Variants in ENDOU observed in about 807,000 individuals in gnomAD.
ENDOU encodes the protein uridylate-specific endoribonuclease.
ENDOU carries 49 observed loss-of-function variants against 54.2 expected under a neutral mutation model. The ratio of observed to expected loss-of-function variants is 0.90; its 90% CI spans 0.72 to 1.15. ENDOU has a LOEUF of 1.15. Ranked by LOEUF, ENDOU falls within the 50% of genes most tolerant of loss-of-function variation. The pLI is 0.00. For missense variants in ENDOU, 458 were observed against 511.4 expected, an observed-to-expected ratio of 0.90 and a Z score of 1.01; for synonymous variants, 172 against 190.5, an observed-to-expected ratio of 0.90 and a Z score of 0.80.
chr12:47,711,256 G>A (rs994914734), intron 9 of ENDOU, among the ~76,000 whole-genome samples: 1 of 152,220 alleles, frequency 6.6e-6, no homozygotes, highest in Non-Finnish European at 1.5e-5. Flanking sequence ...GTGTCCGAAT[G>A]TTAGAGAACT....
intron 1 of ENDOU, 76 bp from the exon 2 acceptor site, chr12:47,720,951 C>A: frequency 7.0e-7 from 1 of 1,434,296 alleles, no homozygotes; most frequent in South Asian, 1.3e-5. Context: ...CAGGAGGGTT[C>A]ACAGACCAGG....
In ENDOU at chr12:47,725,414, G is replaced by A. The variant is rs980548708; in HGVS notation, c.-1C>T. On this transcript the variant is annotated 5_prime_UTR_variant, in exon 1 of 10. Coordinates refer to ENST00000422538, the MANE Select transcript of ENDOU (RefSeq NM_001172439.2). The stretch of plus-strand genomic sequence containing the variant: ...ATACCAGGGAGATGCAGGCCCTCAT[G>A]GTGCCCAGTTGGAGGCCAAAAAGGG... 1.9e-6 allele frequency: 3 copies of A among 1,614,124 alleles called. No individual in the cohort carries two copies. Among genetic ancestry groups the A allele is most frequent in the Non-Finnish European group, 2.5e-6 (3 of 1,180,002 alleles).
intron 7 of ENDOU, 99 bp downstream of exon 7, chr12:47,713,175 TG>T: frequency 1.2e-6 from 1 of 820,782 alleles, no homozygotes; most frequent in Non-Finnish European, 2.1e-6. Context: ...ACTAGCTGGC[TG>T]GACTGCTGAT....
intron 2 of ENDOU, chr12:47,719,965 T>C (rs959094353): frequency 2.6e-5 from 4 of 152,226 alleles, no homozygotes; most frequent in Admixed American, 2.6e-4. Context: ...TTGGTCCAGC[T>C]TGCTGCTTAA....
At chr12:47,712,938 T>C (rs557840479) in intron 7 of ENDOU, among the ~76,000 whole-genome samples, 71 of 152,232 alleles carry the variant, frequency 4.7e-4, no homozygotes, top group African/African-American at 1.5e-3. Flanking sequence ...ACCATGGCCC[T>C]CTTGGGAAGC....
chr12:47,718,289 G>A, intron 2 of ENDOU, 95 bp from the exon 3 acceptor site: 3 of 1,157,750 alleles, frequency 2.6e-6, no homozygotes, highest in South Asian at 1.3e-5. Context: ...CAGGGGACAA[G>A]CAAGGGCACT....
At chr12:47,722,588 G>T (rs1940468884) in intron 1 of ENDOU, among the ~76,000 whole-genome samples, 1 of 152,214 alleles carries the variant, frequency 6.6e-6, no homozygotes, top group African/African-American at 2.4e-5. Flanking sequence ...CAAGTGACAA[G>T]TGTTCAGACT....
chr12:47,713,205 G>T, intron 7 of ENDOU, 70 bp downstream of exon 7: 8 of 1,081,224 alleles, frequency 7.4e-6, no homozygotes, highest in South Asian at 6.3e-5. Context: ...ACCCAGGGCT[G>T]CCCTGCTCCT....
At position 47,712,507 on chromosome 12, in the gene ENDOU, T is replaced by G. The variant is rs1940064454; in HGVS notation, c.972+9A>C. On this transcript the variant is annotated intron_variant, in intron 8 of 9. Coordinates refer to ENST00000422538, the MANE Select transcript of ENDOU (RefSeq NM_001172439.2). ...GCTCTGACAAGGCTTTTCTAGTCCG[T>G]GTACTCACAGGCCCATCGTAGATGT... 2 of 1,598,666 alleles carry G rather than the reference T, an allele frequency of 1.3e-6. No individual in the cohort carries two copies. The highest frequency in any genetic ancestry group is 2.7e-5 in the African/African-American group (2 of 74,616).
chr12:47,719,879 A>AAC (rs1308950939), intron 2 of ENDOU: 2 of 152,176 alleles, frequency 1.3e-5, no homozygotes, highest in Non-Finnish European at 2.9e-5. Context: ...AAATTCAGAA[A>AAC]ACACACTTGT....
In ENDOU at chr12:47,716,971, T is replaced by A; in HGVS notation, c.470A>T (p.Gln157Leu). The change falls in exon 5 of 10, where the codon CAG (glutamine) becomes CTG (leucine). Residue 157 changes from glutamine to leucine, a missense_variant. Physicochemically the swap from Gln to Leu is moderately radical, Grantham distance 113 (BLOSUM62 -2). Transcript: ENST00000422538. ...KIYRADTNKA[Q>L]KEDIVLNSQN... is the part of the protein sequence containing the mutation. ...GCTATTGAGAACGATGTCTTCCTTC[T>A]GGGCTTTGTTGGTGTCTGCCCTGTA... 6.2e-7 allele frequency: 1 copy of A among 1,614,192 alleles called. No individual in the cohort carries two copies. The highest frequency in any genetic ancestry group is 8.5e-7 in the Non-Finnish European group (1 of 1,179,988).
rs1454204306 is a variant in ENDOU, at chr12:47,717,710, G to A, written c.245-55C>T. On this transcript the variant is annotated intron_variant, in intron 3 of 9. Transcript: ENST00000422538. ...CTGACCTCTAGAGGTCGCTCTGAAC[G>A]CCCCACAGGCTGTCGCTCCCTAGCC... The A allele has an allele frequency of 7.0e-6, 11 of 1,576,936 alleles. No individual in the cohort carries two copies. In the Middle Eastern group the frequency reaches 6.1e-4, roughly 87 times the overall value.
Position 47,717,425 on chromosome 12 carries a change from T to C in ENDOU, c.382+93A>G, listed in dbSNP as rs1940287426. On this transcript the variant is annotated intron_variant, in intron 4 of 9. Coordinates refer to ENST00000422538, the MANE Select transcript of ENDOU (RefSeq NM_001172439.2). ...TGTGTTTCTAACAAGTTCTCAGACA[T>C]TGCTGAAGCTGCTGGTCCAGGGACC... 18 of 1,399,560 alleles carry C rather than the reference T, an allele frequency of 1.3e-5. 1 individual carries two copies. The African/African-American group carries it at 1.7e-4, about 13-fold the overall frequency. The allele number at this position is 1,399,560 out of a possible 1,614,324, so 86.7% of individuals were successfully genotyped here. A position where few individuals can be genotyped will look rare whatever the true frequency, so the allele number is the denominator to read the frequency against.
In ENDOU at chr12:47,716,452, G is replaced by T. The variant is rs756293897; in HGVS notation, c.599C>A (p.Ala200Glu). 2.5e-6 allele frequency: 4 copies of T among 1,614,056 alleles called. No individual in the cohort carries two copies. Among genetic ancestry groups the T allele is most frequent in the Non-Finnish European group, 8.5e-7 (1 of 1,180,042 alleles). The change falls in exon 6 of 10, where the codon GCA (alanine) becomes GAA (glutamate). Residue 200 changes from alanine (A) to glutamate (E), a missense_variant. Ala to Glu is a moderately radical substitution (Grantham distance 107, BLOSUM62 -1). Coordinates refer to ENST00000422538, the MANE Select transcript of ENDOU (RefSeq NM_001172439.2). ...NEKLFSKPTY[A>E]AFINLLNNYQ... ...GTTGTTGAGGAGGTTGATGAAGGCT[G>T]CATAGGTGGGCTTGGAGAACAGCTT... is the stretch of plus-strand genomic sequence containing the variant.
At chr12:47,712,464 T>G in intron 8 of ENDOU, 52 bp downstream of exon 8, 7 of 1,372,410 alleles carry the variant, frequency 5.1e-6, no homozygotes, top group African/African-American at 1.4e-5. Flanking sequence ...GAACACAGAG[T>G]GAGAGCAGGA....
chr12:47,720,689 G>A, intron 2 of ENDOU, 64 bp downstream of exon 2: 1 of 1,511,744 alleles, frequency 6.6e-7, no homozygotes, highest in Non-Finnish European at 8.9e-7. Flanking sequence ...CTGGCCTGCT[G>A]GACACCCAGG....
rs1939965335 is a variant in ENDOU at position 47,710,834 on chromosome 12, T to C, written c.1201A>G (p.Ile401Val). The C allele has an allele frequency of 1.9e-6, 3 of 1,614,094 alleles. No individual in the cohort carries two copies. The highest frequency in any genetic ancestry group is 2.5e-6 in the Non-Finnish European group (3 of 1,179,912). The stretch of plus-strand genomic sequence containing the variant: ...GAAGACACTATGTAGGCTGTGGCGA[T>C]GTACTTCTTGCCATTCCCATAGGTG... The part of the protein sequence containing the change: ...KSTYGNGKKY[I>V]ATAYIVSST The change falls in exon 10 of 10, where the codon ATC (isoleucine) becomes GTC (valine). Residue 401 changes from isoleucine (I) to valine (V), a missense_variant. Coordinates refer to ENST00000422538, the MANE Select transcript of ENDOU (RefSeq NM_001172439.2).
At chr12:47,715,697 A>AACT (rs1940201534) in intron 6 of ENDOU, among the ~76,000 whole-genome samples, 1 of 152,188 alleles carries the variant, frequency 6.6e-6, no homozygotes, top group Non-Finnish European at 1.5e-5. Context: ...TAACAAACAC[A>AACT]ACTCCATGCC....
At chr12:47,718,321 G>T (rs73300701) in intron 2 of ENDOU, 127 bp from the exon 3 acceptor site, 7 of 731,156 alleles carry the variant, frequency 9.6e-6, no homozygotes, top group Non-Finnish European at 1.6e-5. Flanking sequence ...CTGAACAGGG[G>T]CTGGGGTCCA....
Sources: gnomAD v4.1 joint callset for allele counts (sites outside exome capture counted in the v4.1 genomes callset) on GRCh38, gnomAD v4.1.1 for gene constraint, MANE v1.5 for transcripts, NCBI Gene and HGNC (gene_info 2026-07-23, HGNC 2026-07-21) for gene names.